Variants in HAT1 observed in about 807,000 individuals in gnomAD.
HAT1 encodes histone acetyltransferase 1.
HAT1 carries 20 observed loss-of-function variants against 56.6 expected under a neutral mutation model. The ratio of observed to expected loss-of-function variants is 0.35; its 90% CI spans 0.25 to 0.51. The LOEUF (loss-of-function observed/expected upper bound fraction) is 0.51. HAT1 is among the 20% of genes least tolerant of loss of function. The pLI is 0.95. For synonymous variants in HAT1, 146 were observed against 165.5 expected, an observed-to-expected ratio of 0.88 and a Z score of 0.91; for missense variants, 408 against 504.3, an observed-to-expected ratio of 0.81 and a Z score of 1.83.
At chr2:171,973,400 CAAAAAA>C (rs67088559) in intron 8 of HAT1, among the ~76,000 whole-genome samples, 5 of 133,626 alleles carry the variant, frequency 3.7e-5, no homozygotes, top group African/African-American at 5.6e-5. Context: ...CCAATTTCTG[CAAAAAA>C]AAAAAAAAAA....
At chr2:171,963,482 T>C (rs1237804582) in intron 4 of HAT1, among the ~76,000 whole-genome samples, 3 of 152,158 alleles carry the variant, frequency 2.0e-5, no homozygotes, top group African/African-American at 2.4e-5. Flanking sequence ...ATACAAGATA[T>C]GTAAAGTGAT....
chr2:171,951,072 A>G (rs538668961), intron 3 of HAT1, among the ~76,000 whole-genome samples: 1 of 152,316 alleles, frequency 6.6e-6, no homozygotes, highest in East Asian at 1.9e-4. Context: ...CGGCCTCCCG[A>G]AGTGCTGGGA....
intron 1 of HAT1, chr2:171,923,461 G>A (rs1686497460): frequency 6.6e-6 from 1 of 152,100 alleles, no homozygotes; most frequent in Non-Finnish European, 1.5e-5. Context: ...ACCTTTTAGA[G>A]ACAGAGTCTG....
At chr2:171,970,133 TA>T in intron 8 of HAT1, among the ~76,000 whole-genome samples, 1 of 152,140 alleles carries the variant, frequency 6.6e-6, no homozygotes, top group Non-Finnish European at 1.5e-5. Flanking sequence ...GCACTCCAGC[TA>T]GGGGGACAGA....
At chr2:171,941,504 C>T (rs139226818) in intron 2 of HAT1, among the ~76,000 whole-genome samples, 116 of 152,266 alleles carry the variant, frequency 7.6e-4, no homozygotes, top group Middle Eastern at 3.4e-3. Context: ...TCTCTGCTAA[C>T]GTTAATCTGT....
chr2:171,959,366 C>G (rs1396706567), intron 4 of HAT1, among the ~76,000 whole-genome samples: 1 of 152,176 alleles, frequency 6.6e-6, no homozygotes, highest in Non-Finnish European at 1.5e-5. Flanking sequence ...GCTGATAGCA[C>G]TGAATTGATT....
At chr2:171,962,272 A>G (rs529418529) in intron 4 of HAT1, among the ~76,000 whole-genome samples, 1 of 152,350 alleles carries the variant, frequency 6.6e-6, no homozygotes, top group South Asian at 2.1e-4. Flanking sequence ...ATATTTCATA[A>G]TGACCCACCT....
intron 10 of HAT1, 40 bp downstream of exon 10, chr2:171,979,403 C>T (rs751351111): frequency 1.1e-6 from 1 of 942,148 alleles, no homozygotes; most frequent in Non-Finnish European, 1.7e-6. Flanking sequence ...ATTCTTTTCA[C>T]TGTTTAAAAC....
chr2:171,969,231 A>C (rs1410962845), intron 8 of HAT1, among the ~76,000 whole-genome samples: 1 of 152,242 alleles, frequency 6.6e-6, no homozygotes, highest in Non-Finnish European at 1.5e-5. Flanking sequence ...GGGCTGGAAT[A>C]CATATCAGTA....
chr2:171,928,298 A>G (rs1476712591), intron 2 of HAT1, among the ~76,000 whole-genome samples: 3 of 152,356 alleles, frequency 2.0e-5, no homozygotes, highest in African/African-American at 4.8e-5. Context: ...GGCTTAGTAG[A>G]TAGAACTTTA....
intron 4 of HAT1, among the ~76,000 whole-genome samples, chr2:171,955,788 T>TG (rs1687424868): frequency 1.3e-5 from 2 of 152,070 alleles, no homozygotes; most frequent in South Asian, 4.1e-4. Context: ...CTCATGCCTA[T>TG]AATCCCACAG....
At chr2:171,937,033 C>A (rs1480966359) in intron 2 of HAT1, among the ~76,000 whole-genome samples, 1 of 152,038 alleles carries the variant, frequency 6.6e-6, no homozygotes, top group South Asian at 2.1e-4. Flanking sequence ...CGGCTCATTG[C>A]AACCTCTGCC....
rs546021330 is a variant in HAT1 at position 171,947,429 on chromosome 2, A to C, written c.188+646A>C. Reference sequence around the variant, plus strand: ...CCATCATGCCTGGCTTTTTTTAAAAAATTTTTTGTAGAGATTGGGTCTCCC... The same window carrying C: ...CCATCATGCCTGGCTTTTTTTAAAACATTTTTTGTAGAGATTGGGTCTCCC... On this transcript the variant is annotated intron_variant, in intron 3 of 10. Transcript: ENST00000264108. 3.0e-4 allele frequency among the ~76,000 whole-genome samples: 45 copies of C among 150,942 alleles called. 1 individual carries two copies. The highest frequency in any genetic ancestry group is 5.2e-4 in the Non-Finnish European group (35 of 67,710).
intron 1 of HAT1, among the ~76,000 whole-genome samples, 155 bp from the exon 2 acceptor site, chr2:171,925,382 A>G (rs1574029766): frequency 1.3e-5 from 2 of 152,246 alleles, no homozygotes; most frequent in East Asian, 3.9e-4. Flanking sequence ...CATTCTTAAT[A>G]CATTTATTTA....
intron 2 of HAT1, among the ~76,000 whole-genome samples, chr2:171,943,140 G>T (rs1687065259): frequency 6.6e-6 from 1 of 150,456 alleles, no homozygotes; most frequent in Non-Finnish European, 1.5e-5. Context: ...CGGTGGCTTT[G>T]CCTGTAATCC....
chr2:171,974,210 A>AAAAAAAAAAAAAAAAG (rs1687905080), intron 8 of HAT1, among the ~76,000 whole-genome samples: 2 of 72,692 alleles, frequency 2.8e-5, no homozygotes, highest in South Asian at 5.3e-4. Flanking sequence ...AGAAAAAGAA[A>AAAAAAAAAAAAAAAAG]AAAAAAAAAA....
chr2:171,971,192 C>T (rs975207643), intron 8 of HAT1, among the ~76,000 whole-genome samples: 25 of 152,064 alleles, frequency 1.6e-4, no homozygotes, highest in Non-Finnish European at 5.9e-5. Context: ...AGCGAGACTC[C>T]GTCTCACAAA....
chr2:171,926,849 T>C (rs984876447), intron 2 of HAT1, among the ~76,000 whole-genome samples: 2 of 152,240 alleles, frequency 1.3e-5, no homozygotes, highest in Admixed American at 6.5e-5. Flanking sequence ...AACTTGTACA[T>C]GAATGTTCAT....
chr2:171,966,731 T>C (rs770678211), intron 7 of HAT1, 112 bp from the exon 8 acceptor site: 10 of 647,624 alleles, frequency 1.5e-5, no homozygotes, highest in Admixed American at 2.9e-5. Context: ...CAAAGGTGGA[T>C]TGAAAAAAAG....
Sources: gnomAD v4.1 joint callset for allele counts (sites outside exome capture counted in the v4.1 genomes callset) on GRCh38, gnomAD v4.1.1 for gene constraint, MANE v1.5 for transcripts, NCBI Gene and HGNC (gene_info 2026-07-23, HGNC 2026-07-21) for gene names.